Variants in NOC3L observed in about 807,000 individuals in gnomAD.
The protein encoded by NOC3L is nucleolar complex protein 3 homolog.
NOC3L carries 85 observed loss-of-function variants against 102.5 expected under a neutral mutation model. The ratio of observed to expected loss-of-function variants is 0.83; its 90% CI spans 0.70 to 0.99. NOC3L has a LOEUF of 0.99. Ranked by LOEUF, NOC3L falls within the 50% of genes least tolerant of loss-of-function variation. The pLI, the probability that NOC3L is intolerant of heterozygous loss-of-function variation, is 0.00. For missense variants in NOC3L, 878 were observed against 914.9 expected, an observed-to-expected ratio of 0.96 and a Z score of 0.52; for synonymous variants, 303 against 309.4, an observed-to-expected ratio of 0.98 and a Z score of 0.22.
At chr10:94,325,325 G>A in the NOC3L span, 4 of 459,222 alleles carry the variant, frequency 8.7e-6, no homozygotes, top group African/African-American at 4.0e-5. Context: ...GAGGCTGGGC[G>A]TGGTGGCGCA....
Position 94,352,948 on chromosome 10 carries a change from A to G in NOC3L, c.806T>C (p.Ile269Thr), listed in dbSNP as rs376369982. Residue 269 changes from isoleucine to threonine, a missense_variant, in exon 7 of 21, where the codon ATT (isoleucine) becomes ACT (threonine). Transcript: ENST00000371361. The stretch of plus-strand genomic sequence containing the variant: ...GGGCCGGATTTTATATGAAGGAGTA[A>G]TATCTTTAAATAACTCCATCAGAGA... ...IVSLMELFKD[I>T]TPSYKIRPLT... 9.9e-6 allele frequency: 16 copies of G among 1,613,696 alleles called. 1 individual carries two copies. Among genetic ancestry groups the G allele is most frequent in the Admixed American group, 8.3e-5 (5 of 59,990 alleles).
intron 6 of NOC3L, among the ~76,000 whole-genome samples, chr10:94,353,352 C>T (rs1274412923): frequency 2.6e-5 from 4 of 152,194 alleles, no homozygotes; most frequent in Non-Finnish European, 4.4e-5. Flanking sequence ...AGAGGAAGCT[C>T]GGTGCCTGCG....
chr10:94,321,874 A>C, the NOC3L span: 1 of 1,548,812 alleles, frequency 6.5e-7, no homozygotes, highest in Non-Finnish European at 8.9e-7. Context: ...CCTATTATTT[A>C]CTCACATTTT....
At chr10:94,332,628 A>G (rs1482859725), downstream of NOC3L, 1 of 152,144 alleles carries the variant, frequency 6.6e-6, no homozygotes, top group Non-Finnish European at 1.5e-5. Context: ...ATACTCAAAT[A>G]TAGATGTATA....
chr10:94,326,501 TC>T, the NOC3L span, among the ~76,000 whole-genome samples: 1 of 152,230 alleles, frequency 6.6e-6, no homozygotes, highest in Non-Finnish European at 1.5e-5. Context: ...TATACACACC[TC>T]TATAACTTCT....
intron 13 of NOC3L, 151 bp downstream of exon 13, chr10:94,344,264 C>T (rs2054318277): frequency 4.3e-6 from 2 of 469,812 alleles, no homozygotes; most frequent in African/African-American, 2.0e-5. Context: ...AAAAAGCCCA[C>T]TGTTATGAAT....
At chr10:94,315,614 C>T in the NOC3L span, 8 of 415,892 alleles carry the variant, frequency 1.9e-5, 1 homozygote, top group South Asian at 7.1e-5. Flanking sequence ...ACTAAAAATA[C>T]AAAGATTAGC....
rs61729390 is a variant in NOC3L, at chr10:94,357,277, T to C, written c.405A>G (p.Glu135=). Residue 135 remains glutamate, a synonymous_variant, in exon 4 of 21, where the codon GAA becomes GAG. Transcript: ENST00000371361. ...RKHERIIDKY[E]KIPRTLQTAP... ...CAGTTTGCAGAGTTCTTGGTATTTT[T>C]TCATATTTATCTATAATGCGTTCAT... The C allele has an allele frequency of 3.3e-3, 5,291 of 1,607,500 alleles. 179 individuals carry two copies. The African/African-American group carries it at 0.063, about 19-fold the overall frequency.
At chr10:94,362,089 G>A (rs2054558071) in intron 1 of NOC3L, 1 of 599,026 alleles carries the variant, frequency 1.7e-6, no homozygotes. Context: ...CAATTCAAAG[G>A]GTTCTACGAT....
Position 94,352,946 on chromosome 10 carries a change from T to A in NOC3L, c.808A>T (p.Thr270Ser). The change falls in exon 7 of 21, where the codon ACT becomes TCT. Residue 270 changes from threonine (T) to serine (S), a missense_variant. Physicochemically the swap from Thr to Ser is moderately conservative, Grantham distance 58. Coordinates refer to ENST00000371361, the MANE Select transcript of NOC3L (RefSeq NM_022451.11). Reference protein sequence around the residue: ...VSLMELFKDITPSYKIRPLTE... With the variant: ...VSLMELFKDISPSYKIRPLTE... ...AGGGGCCGGATTTTATATGAAGGAG[T>A]AATATCTTTAAATAACTCCATCAGA... 1 of 1,613,624 alleles carries A rather than the reference T, an allele frequency of 6.2e-7. No homozygotes were observed. The highest frequency in any genetic ancestry group is 8.5e-7 in the Non-Finnish European group (1 of 1,179,628).
intron 8 of NOC3L, among the ~76,000 whole-genome samples, chr10:94,350,817 G>A (rs995922827): frequency 3.3e-5 from 5 of 151,618 alleles, no homozygotes; most frequent in Non-Finnish European, 5.9e-5. Context: ...ACATATAGGA[G>A]TCAATTGAGC....
At chr10:94,337,525 C>T (rs968055783) in intron 19 of NOC3L, among the ~76,000 whole-genome samples, 11 of 150,156 alleles carry the variant, frequency 7.3e-5, no homozygotes, top group Admixed American at 2.0e-4. Context: ...CCTGTATGTG[C>T]GAAACTTTTC....
At chr10:94,338,882 CAATTT>C (rs2054251115) in intron 17 of NOC3L, 146 bp from the exon 18 acceptor site, 1 of 589,146 alleles carries the variant, frequency 1.7e-6, no homozygotes, top group Non-Finnish European at 2.5e-6. Flanking sequence ...TAATAAAAAA[CAATTT>C]AAGTTTATAT....
chr10:94,344,435 T>C lies in NOC3L; in HGVS notation c.1551A>G (p.Ala517=), dbSNP rs773465319. ...KKAQRSPLLP[A]VLEGLAKFAH... The stretch of plus-strand genomic sequence containing the variant: ...CTTACTTGGCAAGACCTTCTAGAAC[T>C]GCTGGCAGGAGAGGTGACCTCTGGG... Residue 517 remains alanine, a synonymous_variant, in exon 13 of 21, where the codon GCA becomes GCG. Transcript: ENST00000371361. The C allele has an allele frequency of 1.2e-6, 2 of 1,613,126 alleles. No homozygotes were observed. Among genetic ancestry groups the C allele is most frequent in the East Asian group, 2.2e-5 (1 of 44,876 alleles).
At chr10:94,356,674 A>G (rs1269922807) in intron 4 of NOC3L, 83 bp from the exon 5 acceptor site, 5 of 844,564 alleles carry the variant, frequency 5.9e-6, no homozygotes, top group South Asian at 2.9e-5. Flanking sequence ...GGTGATTACG[A>G]TAAAACTCAG....
At chr10:94,350,716 CAAAA>C (rs201167962) in intron 8 of NOC3L, among the ~76,000 whole-genome samples, 1 of 62,618 alleles carries the variant, frequency 1.6e-5, no homozygotes. Context: ...GACATCGTCT[CAAAA>C]AAAAAAAAAA....
At chr10:94,335,686 A>T (rs984130589) in intron 19 of NOC3L, among the ~76,000 whole-genome samples, 14 of 152,192 alleles carry the variant, frequency 9.2e-5, no homozygotes, top group Non-Finnish European at 1.8e-4. Context: ...AAAGCGGGAA[A>T]TGTGAATTTC....
the NOC3L span, among the ~76,000 whole-genome samples, chr10:94,326,440 ATT>A: frequency 1.3e-5 from 2 of 152,194 alleles, no homozygotes; most frequent in African/African-American, 2.4e-5. Flanking sequence ...AATTTTAAAT[ATT>A]GTTTTCCATA....
At chr10:94,318,166 A>T in the NOC3L span, among the ~76,000 whole-genome samples, 2 of 152,186 alleles carry the variant, frequency 1.3e-5, no homozygotes, top group African/African-American at 4.8e-5. Flanking sequence ...TAAGCAAAAA[A>T]ATGTAATTGT....
Sources: gnomAD v4.1 joint callset for allele counts (sites outside exome capture counted in the v4.1 genomes callset) on GRCh38, gnomAD v4.1.1 for gene constraint, MANE v1.5 for transcripts, NCBI Gene and HGNC (gene_info 2026-07-23, HGNC 2026-07-21) for gene names.